ADRM1: variants seen among roughly 807,000 people sequenced by gnomAD.
ADRM1 encodes the protein proteasomal ubiquitin receptor ADRM1.
Under a neutral mutation model 40.1 loss-of-function variants are expected in ADRM1, and 2 were observed. The observed-to-expected ratio is 0.05, with a 90% CI of 0.02 to 0.16. The LOEUF is 0.16. Among genes scored for constraint, ADRM1 ranks in the 10% least tolerant of loss-of-function variants. The pLI, the probability that ADRM1 is intolerant of heterozygous loss-of-function variation, is 1.00. For missense variants in ADRM1, 467 were observed against 552.5 expected (o/e 0.85, Z 1.55); for synonymous variants, 287 against 240.4 (o/e 1.19, Z -1.79).
intron 3 of ADRM1, 43 bp downstream of exon 3, chr20:62,304,620 G>A: frequency 1.3e-6 from 2 of 1,578,272 alleles, no homozygotes; most frequent in Non-Finnish European, 1.7e-6. Flanking sequence ...GTTGCCCTGC[G>A]ATTCGGTTAG....
At chr20:62,306,778 T>G (rs1241969752) in intron 5 of ADRM1, 44 bp downstream of exon 5, 20 of 1,516,842 alleles carry the variant, frequency 1.3e-5, no homozygotes, top group Non-Finnish European at 1.8e-5. Flanking sequence ...CTGCTGGGAA[T>G]GCTTTGAGGC....
At chr20:62,308,235 A>C in intron 8 of ADRM1, 57 bp downstream of exon 8, 1 of 1,557,068 alleles carries the variant, frequency 6.4e-7, no homozygotes, top group Non-Finnish European at 8.7e-7. Flanking sequence ...GGCAGGGGGG[A>C]GGAGGAGGCC....
At chr20:62,306,763 AGCTTCTGCTGGGAAT>A (rs770928251) in intron 5 of ADRM1, 29 bp downstream of exon 5, 1 of 1,571,606 alleles carries the variant, frequency 6.4e-7, no homozygotes, top group South Asian at 1.2e-5. Context: ...GCTCTCGGGC[AGCTTCTGCTGGGAAT>A]GCTTTGAGGC....
At position 62,303,864 on chromosome 20, in the gene ADRM1, T is replaced by C. The variant is rs572011847; in HGVS notation, c.213+83T>C. The C allele has an allele frequency of 1.0e-5, 15 of 1,429,916 alleles. No individual in the cohort carries two copies. In the South Asian group the frequency reaches 1.3e-4, roughly 13 times the overall value. The allele number at this position is 1,429,916 out of a possible 1,614,324, so 88.6% of individuals were successfully genotyped here. On this transcript the variant is annotated intron_variant, in intron 2 of 9. Transcript: ENST00000253003. ...TCGCTTTGGAGTTCGCGGTGGGGGC[T>C]TGGCCGCATCTGGGGACCGCTCGTG... is the stretch of plus-strand genomic sequence containing the variant.
chr20:62,306,401 A>G, intron 4 of ADRM1, 81 bp downstream of exon 4: 1 of 1,604,396 alleles, frequency 6.2e-7, no homozygotes, highest in Non-Finnish European at 8.5e-7. Context: ...CCCTCAGCAC[A>G]GGTTGTTTGG....
intron 4 of ADRM1, 68 bp downstream of exon 4, chr20:62,306,388 G>A (rs755714568): frequency 8.7e-6 from 14 of 1,606,634 alleles, no homozygotes; most frequent in South Asian, 5.5e-5. Flanking sequence ...TGGATGACTC[G>A]CCCCCTCAGC....
chr20:62,303,429 G>A (rs2145995854), intron 1 of ADRM1, 139 bp from the exon 2 acceptor site: 2 of 859,570 alleles, frequency 2.3e-6, no homozygotes, highest in East Asian at 2.6e-5. Context: ...AACGCGGAAA[G>A]GCAGCCCGGC....
intron 1 of ADRM1, 135 bp from the exon 2 acceptor site, chr20:62,303,433 G>A (rs947377831): frequency 4.5e-6 from 4 of 885,266 alleles, no homozygotes; most frequent in South Asian, 3.3e-5. Context: ...CGGAAAGGCA[G>A]CCCGGCGTGT....
At position 62,303,754 on chromosome 20, in the gene ADRM1, G is replaced by A. The variant is rs762379198; in HGVS notation, c.186G>A (p.Lys62=). The change falls in exon 2 of 10, where the codon AAG becomes AAA. Residue 62 remains lysine, a synonymous_variant. Coordinates refer to ENST00000253003, the MANE Select transcript of ADRM1 (RefSeq NM_007002.4). ...TDDSLIHFCW[K]DRTSGNVEDD... is the part of the protein sequence containing the mutation. ...ACTCGCTTATTCACTTCTGCTGGAA[G>A]GACAGGACGTCCGGGAACGTGGAAG... 21 of 1,611,670 alleles carry A rather than the reference G, an allele frequency of 1.3e-5. No individual in the cohort carries two copies. Among genetic ancestry groups the A allele is most frequent in the East Asian group, 2.2e-5 (1 of 44,894 alleles).
chr20:62,304,355 C>T (rs962515628), intron 2 of ADRM1, 106 bp from the exon 3 acceptor site: 2 of 912,664 alleles, frequency 2.2e-6, no homozygotes, highest in Non-Finnish European at 3.4e-6. Context: ...CTTAGCTGCC[C>T]CTTGCGCACC....
At position 62,307,690 on chromosome 20, in the gene ADRM1, A is replaced by C; in HGVS notation, c.718A>C (p.Thr240Pro). 1 of 1,612,262 alleles carries C rather than the reference A, an allele frequency of 6.2e-7. No individual in the cohort carries two copies. The highest frequency in any genetic ancestry group is 1.1e-5 in the South Asian group (1 of 91,066). The stretch of plus-strand genomic sequence containing the variant: ...TTCTGCTCCAGCAGCTGCCTCAGCA[A>C]CTAGCCCGAGCCCCGCGCCCAGTTC... ...APSAPAAASA[T>P]SPSPAPSSGN... Residue 240 changes from threonine (T) to proline (P), a missense_variant, in exon 7 of 10, where the codon ACT (threonine) becomes CCT (proline). Transcript: ENST00000253003.
Position 62,307,656 on chromosome 20 carries a change from C to T in ADRM1, c.684C>T (p.Thr228=), listed in dbSNP as rs567520861. 29 of 1,612,256 alleles carry T rather than the reference C, an allele frequency of 1.8e-5. No individual in the cohort carries two copies. The East Asian group carries it at 5.8e-4, about 32-fold the overall frequency. ...PSSTTSSTRA[T]PAPSAPAAAS... is the part of the protein sequence containing the mutation. ...CCACCACCTCTTCCACCCGTGCCACCCCAGCCCCTTCTGCTCCAGCAGCTG... is the reference window on the plus strand; with the variant it reads ...CCACCACCTCTTCCACCCGTGCCACTCCAGCCCCTTCTGCTCCAGCAGCTG... The change falls in exon 7 of 10, where the codon ACC becomes ACT. Residue 228 remains threonine (T), a synonymous_variant. Transcript: ENST00000253003.
chr20:62,305,300 C>G lies in ADRM1; in HGVS notation c.330+723C>G, dbSNP rs954379852. On this transcript the variant is annotated intron_variant, in intron 3 of 9. Coordinates refer to ENST00000253003, the MANE Select transcript of ADRM1 (RefSeq NM_007002.4). ...TCTGCCAGAGGTGGAGCTGCTGTCC[C>G]CACCCCACCCCCCTTGGCACTTTCA... 4 of 152,710 alleles carry G rather than the reference C, an allele frequency of 2.6e-5. No homozygotes were observed. In the South Asian group the frequency reaches 8.2e-4, roughly 31 times the overall value. 9.5% of individuals were successfully genotyped at this position (152,710 alleles called of 1,614,324 possible).
rs45488398 is a variant in ADRM1 at position 62,306,159 on chromosome 20, G to A, written c.331-38G>A. 72 of 1,590,122 alleles carry A rather than the reference G, an allele frequency of 4.5e-5. 1 individual carries two copies. The highest frequency in any genetic ancestry group is 3.7e-5 in the Non-Finnish European group (43 of 1,164,342). On this transcript the variant is annotated intron_variant, in intron 3 of 9. Coordinates refer to ENST00000253003, the MANE Select transcript of ADRM1 (RefSeq NM_007002.4). ...GGCTGTGGTGGCCCTGGGTGAGCTG[G>A]CGCCAGCTCCTGCCCTTACATGCCC... is the stretch of plus-strand genomic sequence containing the variant.
At chr20:62,308,525 G>C in intron 9 of ADRM1, 55 bp downstream of exon 9, 1 of 1,564,410 alleles carries the variant, frequency 6.4e-7, no homozygotes. Flanking sequence ...GTCCATTCCT[G>C]TCCCCCTGGA....
At chr20:62,305,745 T>C (rs973871592) in intron 3 of ADRM1, 1 of 195,090 alleles carries the variant, frequency 5.1e-6, no homozygotes, top group African/African-American at 2.3e-5. Context: ...CACATGTGTG[T>C]GCACACGCGT....
At position 62,306,223 on chromosome 20, in the gene ADRM1, G is replaced by C. The variant is rs1202099270; in HGVS notation, c.357G>C (p.Glu119Asp). Residue 119 changes from glutamate (E) to aspartate (D), a missense_variant, in exon 4 of 10, where the codon GAG becomes GAC. Glu to Asp is a conservative substitution (Grantham distance 45). Around this residue, in one of 3 missense-constraint regions of ADRM1, gnomAD observed 418 missense variants for 474.6 expected, o/e 0.88. Coordinates refer to ENST00000253003, the MANE Select transcript of ADRM1 (RefSeq NM_007002.4). Reference sequence around the variant, plus strand: ...AACCCAAGACAGACCAGGATGAGGAGCATTGCCGGAAAGTCAACGAGTATC... The same window carrying C: ...AACCCAAGACAGACCAGGATGAGGACCATTGCCGGAAAGTCAACGAGTATC... ...MQEPKTDQDE[E>D]HCRKVNEYLN... 6.2e-7 allele frequency: 1 copy of C among 1,613,208 alleles called. No individual in the cohort carries two copies. Among genetic ancestry groups the C allele is most frequent in the Non-Finnish European group, 8.5e-7 (1 of 1,179,932 alleles).
At chr20:62,306,467 C>G (rs1984982724) in intron 4 of ADRM1, 147 bp downstream of exon 4, 1 of 1,363,720 alleles carries the variant, frequency 7.3e-7, no homozygotes, top group East Asian at 2.4e-5. Flanking sequence ...CTGGGTCACT[C>G]CCCACTCCCA....
chr20:62,304,261 C>T (rs1984559301), intron 2 of ADRM1, 200 bp from the exon 3 acceptor site: 3 of 577,022 alleles, frequency 5.2e-6, no homozygotes, highest in African/African-American at 3.7e-5. Flanking sequence ...TCCCTGCTCT[C>T]TCCCCCGGCC....
Sources: allele counts gnomAD v4.1 joint callset, GRCh38; gene constraint gnomAD v4.1.1; regional missense constraint gnomAD v4.1.1; transcripts MANE v1.5; gene names NCBI Gene and HGNC (gene_info 2026-07-23, HGNC 2026-07-21).